MSRB3: variants seen among roughly 807,000 people sequenced by gnomAD.
MSRB3 encodes the protein methionine sulfoxide reductase B3, also known as methionine-R-sulfoxide reductase B3.
MSRB3 carries 13 observed loss-of-function variants against 21.0 expected under a neutral mutation model. The ratio of observed to expected loss-of-function variants is 0.62; its 90% CI spans 0.40 to 0.98. The LOEUF (loss-of-function observed/expected upper bound fraction) is 0.98. Ranked by LOEUF, MSRB3 falls within the 50% of genes least tolerant of loss-of-function variation. MSRB3 has a pLI of 0.00. For missense variants in MSRB3, 199 were observed against 230.3 expected (o/e 0.86, Z 0.88); for synonymous variants, 87 against 88.6 (o/e 0.98, Z 0.10).
chr12:65,434,156 T>C (rs550821622), intron 5 of MSRB3, among the ~76,000 whole-genome samples: 1 of 151,974 alleles, frequency 6.6e-6, no homozygotes, highest in Admixed American at 6.6e-5. Flanking sequence ...TCTTACTGTC[T>C]GCTTTGTATC....
At chr12:65,374,983 G>A (rs934235288) in intron 5 of MSRB3, among the ~76,000 whole-genome samples, 7 of 151,284 alleles carry the variant, frequency 4.6e-5, no homozygotes, top group Non-Finnish European at 8.8e-5. Flanking sequence ...TCGAGTAGCC[G>A]GGACTACAGG....
chr12:65,459,046 C>A (rs947920813), intron 6 of MSRB3, among the ~76,000 whole-genome samples: 4 of 152,156 alleles, frequency 2.6e-5, no homozygotes, highest in African/African-American at 9.7e-5. Context: ...GGAATTCTTC[C>A]TTCTTCAGAT....
intron 5 of MSRB3, among the ~76,000 whole-genome samples, chr12:65,450,463 T>G (rs1281942850): frequency 1.3e-5 from 2 of 152,172 alleles, no homozygotes; most frequent in Non-Finnish European, 2.9e-5. Context: ...TTATATTCTT[T>G]GAAATGAAAT....
intron 1 of MSRB3, among the ~76,000 whole-genome samples, chr12:65,290,129 T>TTAAAAA (rs144438880): frequency 0.3 from 45,950 of 151,668 alleles, 7,029 homozygotes; most frequent in South Asian, 0.39. Context: ...ATCTATATAT[T>TTAAAAA]TAATAATAAT....
intron 1 of MSRB3, among the ~76,000 whole-genome samples, chr12:65,301,895 T>A (rs956327285): frequency 8.5e-5 from 13 of 152,282 alleles, no homozygotes; most frequent in African/African-American, 3.1e-4. Context: ...AGGATTCAGT[T>A]GTTTTCTATT....
intron 5 of MSRB3, among the ~76,000 whole-genome samples, chr12:65,383,103 A>G (rs1879030671): frequency 2.0e-5 from 3 of 152,210 alleles, no homozygotes; most frequent in South Asian, 2.1e-4. Flanking sequence ...TTTTATTAAA[A>G]TGATATAAAT....
At chr12:65,391,245 C>T (rs760940454) in intron 5 of MSRB3, among the ~76,000 whole-genome samples, 2 of 152,146 alleles carry the variant, frequency 1.3e-5, no homozygotes, top group Non-Finnish European at 2.9e-5. Context: ...TCATCTCAAG[C>T]TAAGAGGAGG....
intron 5 of MSRB3, among the ~76,000 whole-genome samples, chr12:65,451,893 G>C (rs549582324): frequency 2.0e-5 from 3 of 152,150 alleles, no homozygotes; most frequent in Non-Finnish European, 4.4e-5. Context: ...ACTGGACACT[G>C]TGTTAGGCAA....
chr12:65,410,873 T>C (rs1880680338), intron 5 of MSRB3, among the ~76,000 whole-genome samples: 1 of 152,140 alleles, frequency 6.6e-6, no homozygotes, highest in South Asian at 2.1e-4. Context: ...AAAGCAGAAA[T>C]AAAGGGAATG....
intron 5 of MSRB3, among the ~76,000 whole-genome samples, chr12:65,404,605 T>C (rs781246428): frequency 6.6e-6 from 1 of 152,216 alleles, no homozygotes; most frequent in Non-Finnish European, 1.5e-5. Context: ...GAATGTCTTT[T>C]AACATTTCTT....
chr12:65,343,672 T>A (rs1876294799), intron 4 of MSRB3, among the ~76,000 whole-genome samples: 1 of 152,098 alleles, frequency 6.6e-6, no homozygotes, highest in South Asian at 2.1e-4. Flanking sequence ...AAAGGGTATG[T>A]AATATGCTCA....
At chr12:65,336,501 C>T (rs1190963724) in intron 4 of MSRB3, among the ~76,000 whole-genome samples, 2 of 152,262 alleles carry the variant, frequency 1.3e-5, no homozygotes, top group Non-Finnish European at 1.5e-5. Context: ...TGCCTTGCCT[C>T]GTATTACCTA....
At chr12:65,431,591 C>T (rs1165963476) in intron 5 of MSRB3, among the ~76,000 whole-genome samples, 1 of 151,884 alleles carries the variant, frequency 6.6e-6, no homozygotes, top group African/African-American at 2.4e-5. Flanking sequence ...CTTTTTTCTT[C>T]TTCTTCTTTT....
intron 5 of MSRB3, among the ~76,000 whole-genome samples, chr12:65,408,578 A>G (rs1275295420): frequency 2.0e-5 from 3 of 152,182 alleles, no homozygotes; most frequent in African/African-American, 7.2e-5. Context: ...TTGTTATTAT[A>G]CAGGAGCCCT....
intron 5 of MSRB3, among the ~76,000 whole-genome samples, chr12:65,382,438 A>G (rs760262141): frequency 7.2e-5 from 11 of 152,212 alleles, no homozygotes; most frequent in South Asian, 2.1e-4. Context: ...ATAGTAAAAT[A>G]CATTTTTACA....
At chr12:65,460,279 T>C (rs970018344) in intron 6 of MSRB3, among the ~76,000 whole-genome samples, 2 of 152,172 alleles carry the variant, frequency 1.3e-5, no homozygotes, top group Admixed American at 1.3e-4. Flanking sequence ...GCAACTTCCA[T>C]TTATCCTCCC....
At chr12:65,372,718 T>C (rs10784447) in intron 5 of MSRB3, among the ~76,000 whole-genome samples, 101,404 of 152,130 alleles carry the variant, frequency 0.67, 33,969 homozygotes, top group Admixed American at 0.73. Context: ...TATATCAAAT[T>C]TCAGGAGAAA....
At chr12:65,447,521 T>C (rs954276923) in intron 5 of MSRB3, among the ~76,000 whole-genome samples, 3 of 152,030 alleles carry the variant, frequency 2.0e-5, no homozygotes, top group Non-Finnish European at 2.9e-5. Flanking sequence ...AAAAAATAAG[T>C]TGCCAAAAAA....
chr12:65,325,498 C>A (rs934270134), intron 2 of MSRB3, among the ~76,000 whole-genome samples: 1 of 151,972 alleles, frequency 6.6e-6, no homozygotes, highest in African/African-American at 2.4e-5. Flanking sequence ...GAGAATCAAC[C>A]GCTCTATCTT....
Sources: allele counts gnomAD v4.1 joint callset (sites outside exome capture counted in the v4.1 genomes callset), GRCh38; gene constraint gnomAD v4.1.1; transcripts MANE v1.5; gene names NCBI Gene and HGNC (gene_info 2026-07-23, HGNC 2026-07-21).